The following CASP8 variants were observed in gnomAD, a reference collection of about 807,000 sequenced individuals.
CASP8 encodes caspase 8.
A neutral mutation model predicts 46.3 loss-of-function variants in CASP8; 24 were observed. The ratio of observed to expected loss-of-function variants is 0.52; its 90% CI spans 0.38 to 0.73. The LOEUF is 0.73. Among genes scored for constraint, CASP8 ranks in the 30% least tolerant of loss-of-function variants. CASP8 has a pLI of 0.00. For missense variants in CASP8, 460 were observed against 559.0 expected (o/e 0.82, Z 1.79); for synonymous variants, 188 against 200.4 (o/e 0.94, Z 0.52).
chr2:201,284,386 A>G (rs1450858656), intron 7 of CASP8, among the ~76,000 whole-genome samples: 3 of 76,190 alleles, frequency 3.9e-5, no homozygotes, highest in Admixed American at 1.2e-4. Flanking sequence ...CCTGGGCACC[A>G]TTGAGCACTG....
At chr2:201,278,574 T>TTGCCCAGGCTGCAG (rs1948798255) in intron 7 of CASP8, among the ~76,000 whole-genome samples, 1 of 151,938 alleles carries the variant, frequency 6.6e-6, no homozygotes, top group Non-Finnish European at 1.5e-5. Flanking sequence ...TCTCACTCTG[T>TTGCCCAGGCTGCAG]TGCCCAGGCT....
chr2:201,260,638 G>C, intron 1 of CASP8, 25 bp downstream of exon 1: 1 of 856,364 alleles, frequency 1.2e-6, no homozygotes, highest in Non-Finnish European at 1.4e-6. Context: ...CTTTGTTAAG[G>C]TCAGAGGGGC....
intron 2 of CASP8, among the ~76,000 whole-genome samples, chr2:201,234,355 G>C (rs1945951000): frequency 6.6e-6 from 1 of 152,222 alleles, no homozygotes; most frequent in Admixed American, 6.5e-5. Context: ...CTATAGTGCG[G>C]GACCCCACAA....
rs2125483736 is a variant in CASP8 at position 201,285,047 on chromosome 2, G to A, written c.1034G>A (p.Cys345Tyr). The change falls in exon 8 of 9, where the codon TGC becomes TAC. Residue 345 changes from cysteine (C) to tyrosine (Y), a missense_variant. Physicochemically the swap from Cys to Tyr is radical, Grantham distance 194 (BLOSUM62 -2). Transcript: ENST00000673742. Reference sequence around the variant, plus strand: ...ACATCTCAGTTCACTGGTTTGAAGTGCCCTTCCCTTGCTGGAAAACCCAAA... The same window carrying A: ...ACATCTCAGTTCACTGGTTTGAAGTACCCTTCCCTTGCTGGAAAACCCAAA... ...ELTSQFTGLK[C>Y]PSLAGKPKVF... 1 of 1,614,186 alleles carries A rather than the reference G, an allele frequency of 6.2e-7. No homozygotes were observed.
intron 2 of CASP8, among the ~76,000 whole-genome samples, chr2:201,239,631 T>C (rs912876754): frequency 6.6e-6 from 1 of 152,208 alleles, no homozygotes; most frequent in Admixed American, 6.5e-5. Context: ...GGATTGATTG[T>C]GCTTTGGGTT....
chr2:201,285,720 A>C lies in CASP8; in HGVS notation c.1304+403A>C, dbSNP rs191967103. On this transcript the variant is annotated intron_variant, in intron 8 of 8. Transcript: ENST00000673742. ...CTGAGCCAATTCAACTAGTTTTGGA[A>C]ATCTTCCAAGAAGGCAGTAACCCAA... Among the ~76,000 whole-genome samples the C allele has an allele frequency of 1.9e-3, 283 of 152,330 alleles. 1 individual carries two copies. Among genetic ancestry groups the C allele is most frequent in the African/African-American group, 6.3e-3 (264 of 41,576 alleles).
upstream of CASP8, chr2:201,258,086 G>T: frequency 1.2e-6 from 1 of 856,652 alleles, no homozygotes; most frequent in Non-Finnish European, 2.0e-6. Flanking sequence ...AGTTCCTTCT[G>T]TGGTGAAGTT....
At chr2:201,251,909 A>G (rs992884050) in intron 2 of CASP8, among the ~76,000 whole-genome samples, 6 of 152,210 alleles carry the variant, frequency 3.9e-5, no homozygotes, top group Non-Finnish European at 7.3e-5. Flanking sequence ...CGTCTAAAAA[A>G]AAAAAAAGCT....
rs13022643 is a variant in CASP8, at chr2:201,251,611, A to G, written c.-26-14850A>G. On this transcript the variant is annotated intron_variant, in intron 2 of 6. Transcript: ENST00000264274. ...CTCTGTGTCAAAAAAAAAAAAAAAG[A>G]AAAAAAAATGGCCAGGCGCAGTGGC... Among the ~76,000 whole-genome samples, 68 of 94,066 alleles carry G rather than the reference A, an allele frequency of 7.2e-4. 2 individuals are homozygous for G. Among genetic ancestry groups the G allele is most frequent in the African/African-American group, 2.9e-3 (49 of 17,178 alleles). The allele number at this position is 94,066 out of a possible 152,430, so 61.7% of individuals were successfully genotyped here. A position where few individuals can be genotyped will look rare whatever the true frequency, so the allele number is the denominator to read the frequency against.
chr2:201,285,150 C>T lies in CASP8; in HGVS notation c.1137C>T (p.Pro379=), dbSNP rs369704935. ...IPVETDSEEQ[P]YLEMDLSSPQ... is the part of the protein sequence containing the mutation. ...TTGAGACTGATTCAGAGGAGCAACC[C>T]TATTTAGAAATGGATTTATCATCAC... Residue 379 remains proline (P), a synonymous_variant, in exon 8 of 9, where the codon CCC becomes CCT. Transcript: ENST00000673742. 8.7e-5 allele frequency: 140 copies of T among 1,614,066 alleles called. No individual in the cohort carries two copies. Among genetic ancestry groups the T allele is most frequent in the Non-Finnish European group, 1.1e-4 (135 of 1,180,044 alleles).
Position 201,286,490 on chromosome 2 carries a change from G to A in CASP8, c.1336G>A (p.Val446Met), listed in dbSNP as rs2125510213. The change falls in exon 9 of 9, where the codon GTG becomes ATG. Residue 446 changes from valine to methionine, a missense_variant. Physicochemically the swap from Val to Met is conservative, Grantham distance 21. Coordinates refer to ENST00000673742, the MANE Select transcript of CASP8 (RefSeq NM_001372051.1). The part of the protein sequence containing the change: ...GDDILTILTE[V>M]NYEVSNKDDK... ...TGATATTCTCACCATCCTGACTGAA[G>A]TGAACTATGAAGTAAGCAACAAGGA... The A allele has an allele frequency of 1.2e-6, 2 of 1,612,928 alleles. No homozygotes were observed. Among genetic ancestry groups the A allele is most frequent in the Non-Finnish European group, 1.7e-6 (2 of 1,178,882 alleles).
At chr2:201,258,155 G>T, upstream of CASP8, 1 of 1,528,530 alleles carries the variant, frequency 6.5e-7, no homozygotes, top group South Asian at 1.1e-5. Flanking sequence ...GTTTTCACAG[G>T]TTCTCCTCCT....
In CASP8 at chr2:201,276,909, G is replaced by C; in HGVS notation, c.743G>C (p.Arg248Pro). ...IINNHNFAKA[R>P]EKVPKLHSIR... is the part of the protein sequence containing the mutation. Reference sequence around the variant, plus strand: ...AACAATCACAATTTTGCAAAAGCACGGGAGAAAGTGCCCAAACTTCACAGC... The same window carrying C: ...AACAATCACAATTTTGCAAAAGCACCGGAGAAAGTGCCCAAACTTCACAGC... Residue 248 changes from arginine (R) to proline (P), a missense_variant, in exon 7 of 9, where the codon CGG becomes CCG. Arg to Pro is a moderately radical substitution (Grantham distance 103). Coordinates refer to ENST00000673742, the MANE Select transcript of CASP8 (RefSeq NM_001372051.1). The C allele has an allele frequency of 6.2e-7, 1 of 1,614,044 alleles. No individual in the cohort carries two copies. The highest frequency in any genetic ancestry group is 8.5e-7 in the Non-Finnish European group (1 of 1,179,938).
chr2:201,284,338 T>C (rs1576384735), intron 7 of CASP8, among the ~76,000 whole-genome samples: 1 of 67,810 alleles, frequency 1.5e-5, no homozygotes, highest in Admixed American at 1.3e-4. Flanking sequence ...GGCTGGGAGG[T>C]GGTTGTAGCA....
In CASP8 at chr2:201,286,504, A is replaced by G. The variant is rs1949568486; in HGVS notation, c.1350A>G (p.Val450=). 1 of 1,613,122 alleles carries G rather than the reference A, an allele frequency of 6.2e-7. No homozygotes were observed. Among genetic ancestry groups the G allele is most frequent in the South Asian group, 1.1e-5 (1 of 91,070 alleles). The change falls in exon 9 of 9, where the codon GTA becomes GTG. Residue 450 remains valine (V), a synonymous_variant. Transcript: ENST00000673742. Reference sequence around the variant, plus strand: ...TCCTGACTGAAGTGAACTATGAAGTAAGCAACAAGGATGACAAGAAAAACA... The same window carrying G: ...TCCTGACTGAAGTGAACTATGAAGTGAGCAACAAGGATGACAAGAAAAACA... The part of the protein sequence containing the change: ...LTILTEVNYE[V]SNKDDKKNMG...
chr2:201,250,042 G>A lies in CASP8; in HGVS notation c.-27+15930G>A, dbSNP rs149077413. ...CTCCAAGAAGCAGTTACAGTTTGATGTAGGTTTGATAAAGGGTGGACAGTT... is the reference window on the plus strand; with the variant it reads ...CTCCAAGAAGCAGTTACAGTTTGATATAGGTTTGATAAAGGGTGGACAGTT... On this transcript the variant is annotated intron_variant, in intron 2 of 6. Coordinates refer to the CASP8 transcript ENST00000264274. Among the ~76,000 whole-genome samples the A allele has an allele frequency of 3.1e-3, 479 of 152,332 alleles. 2 individuals are homozygous for A. Among genetic ancestry groups the A allele is most frequent in the Middle Eastern group, 0.01 (3 of 294 alleles).
intron 1 of CASP8, among the ~76,000 whole-genome samples, chr2:201,265,330 G>A (rs750953560): frequency 9.3e-5 from 14 of 151,214 alleles, no homozygotes; most frequent in South Asian, 6.3e-4. Flanking sequence ...AGCCGAGATC[G>A]CGACACTGCA....
intron 2 of CASP8, 80 bp from the exon 3 acceptor site, chr2:201,271,436 C>T: frequency 1.2e-6 from 1 of 867,492 alleles, no homozygotes; most frequent in Non-Finnish European, 2.0e-6. Context: ...CCTTTGGAAT[C>T]AAGCCCACTG....
chr2:201,283,433 G>T (rs1949278364), intron 7 of CASP8, among the ~76,000 whole-genome samples: 1 of 57,714 alleles, frequency 1.7e-5, no homozygotes. Flanking sequence ...GCGGCTGGCC[G>T]GGCGGGGGGT....
Sources: allele counts gnomAD v4.1 joint callset (sites outside exome capture counted in the v4.1 genomes callset), GRCh38; gene constraint gnomAD v4.1.1; transcripts MANE v1.5; gene names NCBI Gene and HGNC (gene_info 2026-07-23, HGNC 2026-07-21).